Variants in DNAJC3 observed in about 807,000 individuals in gnomAD.
The protein encoded by DNAJC3 is dnaJ homolog subfamily C member 3.
DNAJC3 carries 38 observed loss-of-function variants against 68.6 expected under a neutral mutation model. The ratio of observed to expected loss-of-function variants is 0.55; its 90% CI spans 0.43 to 0.73. DNAJC3 has a LOEUF of 0.73. DNAJC3 is among the 30% of genes least tolerant of loss of function. DNAJC3 has a pLI of 0.00. For missense variants in DNAJC3, 526 were observed against 591.9 expected, an observed-to-expected ratio of 0.89 and a Z score of 1.16; for synonymous variants, 203 against 204.0, an observed-to-expected ratio of 1.00 and a Z score of 0.04.
intron 5 of DNAJC3, among the ~76,000 whole-genome samples, chr13:95,758,570 A>C (rs1472098966): frequency 6.6e-6 from 1 of 151,656 alleles, no homozygotes; most frequent in Non-Finnish European, 1.5e-5. Context: ...CAGAGGTTGC[A>C]GTGAGCCACT....
intron 9 of DNAJC3, among the ~76,000 whole-genome samples, chr13:95,773,436 G>A (rs1406273077): frequency 6.6e-6 from 1 of 151,944 alleles, no homozygotes; most frequent in African/African-American, 2.4e-5. Flanking sequence ...CTCCCAAAGT[G>A]CTGGGACTAC....
intron 4 of DNAJC3, among the ~76,000 whole-genome samples, chr13:95,746,977 A>C (rs2139663590): frequency 6.6e-6 from 1 of 152,250 alleles, no homozygotes; most frequent in South Asian, 2.1e-4. Context: ...CTTGGTCTTC[A>C]TTGTTTACTA....
At chr13:95,743,689 C>G (rs1882217866) in intron 4 of DNAJC3, among the ~76,000 whole-genome samples, 1 of 152,098 alleles carries the variant, frequency 6.6e-6, no homozygotes, top group African/African-American at 2.4e-5. Context: ...TCCCTAGTGG[C>G]TGGGATCATA....
At chr13:95,768,749 TGGATCACCTGAGGTCA>T (rs529362254) in intron 9 of DNAJC3, among the ~76,000 whole-genome samples, 3,285 of 152,134 alleles carry the variant, frequency 0.022, 46 homozygotes, top group Non-Finnish European at 0.034. Context: ...CCGAGGTGGG[TGGATCACCTGAGGTCA>T]GGAGTTCGAG....
At position 95,740,418 on chromosome 13, in the gene DNAJC3, C is replaced by T. The variant is rs1161099530; in HGVS notation, c.393+15166C>T. On this transcript the variant is annotated intron_variant, in intron 4 of 11. Transcript: ENST00000602402. ...GGCGCCCCTCCCCCAGCCTCGCTGC[C>T]GCCTTGCAGTTTGATCTCAGACTGC... 2.3e-4 allele frequency among the ~76,000 whole-genome samples: 35 copies of T among 152,166 alleles called. No individual in the cohort carries two copies. In the East Asian group the frequency reaches 3.1e-3, roughly 14 times the overall value.
At chr13:95,700,370 C>CA (rs1402548600) in intron 1 of DNAJC3, among the ~76,000 whole-genome samples, 1 of 152,040 alleles carries the variant, frequency 6.6e-6, no homozygotes, top group African/African-American at 2.4e-5. Flanking sequence ...AGTAATATGC[C>CA]AAAAAATATG....
chr13:95,731,778 C>T (rs934274574), intron 4 of DNAJC3, among the ~76,000 whole-genome samples: 3 of 151,876 alleles, frequency 2.0e-5, no homozygotes, highest in African/African-American at 7.3e-5. Flanking sequence ...CTCAGGTGAT[C>T]CTCTGGCCTG....
At chr13:95,697,821 TCTTC>T (rs1880489010) in intron 1 of DNAJC3, among the ~76,000 whole-genome samples, 1 of 144,530 alleles carries the variant, frequency 6.9e-6, no homozygotes, top group South Asian at 2.5e-4. Context: ...GACATCTGTC[TCTTC>T]CTTCATTTCC....
At chr13:95,685,479 C>T (rs555193443) in intron 1 of DNAJC3, among the ~76,000 whole-genome samples, 4 of 152,304 alleles carry the variant, frequency 2.6e-5, no homozygotes, top group African/African-American at 7.2e-5. Flanking sequence ...TGGCTTGTCC[C>T]AGATGAGACT....
At chr13:95,721,132 A>G (rs1468139905) in intron 2 of DNAJC3, among the ~76,000 whole-genome samples, 2 of 152,156 alleles carry the variant, frequency 1.3e-5, no homozygotes, top group Admixed American at 1.3e-4. Flanking sequence ...TATGTTAGGT[A>G]CCTCATATTA....
intron 2 of DNAJC3, 57 bp downstream of exon 2, chr13:95,709,394 C>A: frequency 8.4e-7 from 1 of 1,187,404 alleles, no homozygotes; most frequent in Non-Finnish European, 1.2e-6. Context: ...CTAGTAATAG[C>A]TCTTTTTTTA....
intron 9 of DNAJC3, among the ~76,000 whole-genome samples, chr13:95,773,731 C>CTCTTTTTTTTT (rs1359420907): frequency 1.4e-5 from 1 of 71,336 alleles, no homozygotes; most frequent in African/African-American, 5.7e-5. Context: ...TTTTGTTGGT[C>CTCTTTTTTTTT]TTTTTTTTTT....
chr13:95,775,746 GAGA>G (rs1005751484), intron 9 of DNAJC3, among the ~76,000 whole-genome samples: 7 of 152,118 alleles, frequency 4.6e-5, no homozygotes, highest in African/African-American at 1.7e-4. Flanking sequence ...TGAATCCTTA[GAGA>G]AGGAGATGCA....
chr13:95,690,035 G>T (rs931972998), intron 1 of DNAJC3, among the ~76,000 whole-genome samples: 2 of 151,464 alleles, frequency 1.3e-5, no homozygotes, highest in Non-Finnish European at 2.9e-5. Flanking sequence ...TCTCGCAGAG[G>T]GGGATTTGGC....
intron 9 of DNAJC3, among the ~76,000 whole-genome samples, chr13:95,764,375 C>CTCTATA (rs1363565634): frequency 0.014 from 1,697 of 123,906 alleles, 46 homozygotes; most frequent in African/African-American, 0.051. Flanking sequence ...CTCTCTCTCT[C>CTCTATA]TATATATATA....
At chr13:95,681,486 G>A (rs754159882) in intron 1 of DNAJC3, among the ~76,000 whole-genome samples, 2 of 152,134 alleles carry the variant, frequency 1.3e-5, no homozygotes, top group Non-Finnish European at 2.9e-5. Context: ...GAATAGCTGG[G>A]ACCACAGGTA....
rs1882375735 is a variant in DNAJC3, at chr13:95,748,448, CA to C, written c.394-9195del. Among the ~76,000 whole-genome samples the C allele has an allele frequency of 2.6e-5, 4 of 152,274 alleles. No homozygotes were observed. The South Asian group carries it at 6.2e-4, about 24-fold the overall frequency. Reference sequence around the variant, plus strand: ...TATTATACATCAAAATAACTGTCATCATTTTTTTTCCATCTTTAATTCTTTA... The same window carrying C: ...TATTATACATCAAAATAACTGTCATCTTTTTTTTCCATCTTTAATTCTTTA... On this transcript the variant is annotated intron_variant, in intron 4 of 11. Transcript: ENST00000602402.
intron 9 of DNAJC3, among the ~76,000 whole-genome samples, chr13:95,769,518 A>C (rs1244962439): frequency 1.3e-5 from 2 of 152,272 alleles, no homozygotes; most frequent in African/African-American, 4.8e-5. Context: ...ACATGTAATC[A>C]GAATCTATAA....
At chr13:95,726,916 AC>A (rs1296879851) in intron 4 of DNAJC3, among the ~76,000 whole-genome samples, 1 of 152,218 alleles carries the variant, frequency 6.6e-6, no homozygotes, top group African/African-American at 2.4e-5. Flanking sequence ...AAATCCAAAA[AC>A]ATTAGATTTA....
Sources: gnomAD v4.1 joint callset for allele counts (sites outside exome capture counted in the v4.1 genomes callset) on GRCh38, gnomAD v4.1.1 for gene constraint, MANE v1.5 for transcripts, NCBI Gene and HGNC (gene_info 2026-07-23, HGNC 2026-07-21) for gene names.